SULF2: variants seen among roughly 807,000 people sequenced by gnomAD.
The protein encoded by SULF2 is sulfatase 2.
In SULF2, 52 loss-of-function variants were observed where a neutral mutation model predicts 107.7. That is an observed-to-expected ratio of 0.48 (90% CI 0.39 to 0.61). SULF2 has a LOEUF of 0.61. Ranked by LOEUF, SULF2 falls within the 20% of genes least tolerant of loss-of-function variation. The pLI is 0.00. For synonymous variants in SULF2, 460 were observed against 464.3 expected (o/e 0.99, Z 0.12); for missense variants, 993 against 1,177.3 (o/e 0.84, Z 2.29).
Position 47,731,187 on chromosome 20 carries a change from C to CTTT in SULF2, c.415+5513_415+5515dup, listed in dbSNP as rs71183273. Among the ~76,000 whole-genome samples, 346 of 81,140 alleles carry CTTT rather than the reference C, an allele frequency of 4.3e-3. 2 individuals carry two copies. The highest frequency in any genetic ancestry group is 6.2e-3 in the Non-Finnish European group (281 of 45,506). The allele number at this position is 81,140 out of a possible 152,430, so 53.2% of individuals were successfully genotyped here. A position where few individuals can be genotyped will look rare whatever the true frequency, so the allele number is the denominator to read the frequency against. On this transcript the variant is annotated intron_variant, in intron 3 of 20. Transcript: ENST00000688720. ...TGCCTGCTACTCACCTGTATCTTCT[C>CTTT]TTTTTTTTTTTTTTTTTTTTTTTGA...
intron 4 of SULF2, among the ~76,000 whole-genome samples, chr20:47,701,232 C>T (rs566267876): frequency 3.9e-5 from 6 of 152,294 alleles, no homozygotes; most frequent in East Asian, 1.9e-4. Context: ...AAATAATCCA[C>T]GCTGTCAGAA....
At chr20:47,672,713 C>T (rs2087518402) in intron 10 of SULF2, among the ~76,000 whole-genome samples, 1 of 152,150 alleles carries the variant, frequency 6.6e-6, no homozygotes, top group Admixed American at 6.5e-5. Context: ...ATATTACTCT[C>T]CTACTTAAAA....
intron 14 of SULF2, among the ~76,000 whole-genome samples, chr20:47,664,963 C>CA (rs1449134601): frequency 1.3e-5 from 2 of 152,218 alleles, no homozygotes; most frequent in Admixed American, 1.3e-4. Flanking sequence ...TCTGCGCAGC[C>CA]AGCACGGGTC....
Position 47,690,220 on chromosome 20 carries a change from G to C in SULF2, c.643C>G (p.Pro215Ala), listed in dbSNP as rs2088149893. The C allele has an allele frequency of 6.3e-7, 1 of 1,577,816 alleles. No individual in the cohort carries two copies. Among genetic ancestry groups the C allele is most frequent in the African/African-American group, 1.4e-5 (1 of 73,770 alleles). Residue 215 changes from proline to alanine, a missense_variant, in exon 5 of 21, where the codon CCA (proline) becomes GCA (alanine). By Grantham distance (27) the Pro-to-Ala change is conservative. Coordinates refer to ENST00000688720, the MANE Select transcript of SULF2 (RefSeq NM_001387048.1). ...GCATGGCTGATGACCATGAGGACTG[G>C]CCTGTGCGGGTACATCTTCTTGGAC... ...RTSKKMYPHR[P>A]VLMVISHAAP... is the part of the protein sequence containing the mutation.
chr20:47,736,888 T>C lies in SULF2; in HGVS notation c.230A>G (p.His77Arg). ...TRRIMEQGGA[H>R]FINAFVTTPM... ...TGTGGTCACGAAGGCGTTGATGAAG[T>C]GCGCCCCGCCCTGCTCCATGATGCG... Residue 77 changes from histidine (H) to arginine (R), a missense_variant, in exon 3 of 21, where the codon CAC becomes CGC. Around this residue, in one of 3 missense-constraint regions of SULF2, gnomAD observed 388 missense variants for 449.2 expected, o/e 0.86. Coordinates refer to ENST00000688720, the MANE Select transcript of SULF2 (RefSeq NM_001387048.1). The C allele has an allele frequency of 6.2e-7, 1 of 1,614,216 alleles. No homozygotes were observed. Among genetic ancestry groups the C allele is most frequent in the East Asian group, 2.2e-5 (1 of 44,886 alleles).
chr20:47,779,283 G>T (rs2090779497), intron 1 of SULF2, among the ~76,000 whole-genome samples: 1 of 152,184 alleles, frequency 6.6e-6, no homozygotes, highest in Non-Finnish European at 1.5e-5. Context: ...AACCTATACT[G>T]TCTCCGGATA....
intron 1 of SULF2, 65 bp from the exon 2 acceptor site, chr20:47,757,528 AATG>A (rs1487926984): frequency 2.5e-6 from 2 of 787,748 alleles, no homozygotes; most frequent in Non-Finnish European, 3.9e-6. Context: ...ATTCTTGCAT[AATG>A]ATTTGTATGG....
rs148110692 is a variant in SULF2 at position 47,732,809 on chromosome 20, C to T, written c.415+3894G>A. On this transcript the variant is annotated intron_variant, in intron 3 of 20. Coordinates refer to ENST00000688720, the MANE Select transcript of SULF2 (RefSeq NM_001387048.1). Reference sequence around the variant, plus strand: ...AGTGAGCTGAGATTACGCCACTGCACTCCAGCGTGGGCAACAGAGTGAGAC... The same window carrying T: ...AGTGAGCTGAGATTACGCCACTGCATTCCAGCGTGGGCAACAGAGTGAGAC... Among the ~76,000 whole-genome samples the T allele has an allele frequency of 4.2e-3, 644 of 152,252 alleles. 3 individuals carry two copies. The highest frequency in any genetic ancestry group is 0.015 in the African/African-American group (609 of 41,528).
Position 47,664,209 on chromosome 20 carries a change from C to T in SULF2, c.1998-20G>A, listed in dbSNP as rs746785497. ...TGGTAGCTGTAACAGACCCCCCCAG[C>T]CCCAGGCTTCAGGAGTGGCTCAGAG... On this transcript the variant is annotated intron_variant, in intron 14 of 20. Transcript: ENST00000688720. 1 of 1,607,088 alleles carries T rather than the reference C, an allele frequency of 6.2e-7. No homozygotes were observed. The highest frequency in any genetic ancestry group is 1.1e-5 in the South Asian group (1 of 89,764).
intron 5 of SULF2, chr20:47,684,994 ATT>A (rs1261039720): frequency 3.9e-4 from 62 of 159,296 alleles, no homozygotes; most frequent in Non-Finnish European, 7.1e-4. Flanking sequence ...CCCAACTCAA[ATT>A]CCATAGCATT....
Position 47,678,513 on chromosome 20 carries a change from C to CATGCTTCTCTCCCACGGGGACT in SULF2, c.1193+162_1193+163insAGTCCCCGTGGGAGAGAAGCAT. 3 of 901,776 alleles carry CATGCTTCTCTCCCACGGGGACT rather than the reference C, an allele frequency of 3.3e-6. No individual in the cohort carries two copies. Among genetic ancestry groups the CATGCTTCTCTCCCACGGGGACT allele is most frequent in the Admixed American group, 2.2e-5 (1 of 45,446 alleles). The allele number at this position is 901,776 out of a possible 1,614,324, so 55.9% of individuals were successfully genotyped here. ...GAAGACAGAATCTCGGAGAGGGGAC[C>CATGCTTCTCTCCCACGGGGACT]ATGCTTCTCTCCCACAGCAGGTAAG... On this transcript the variant is annotated intron_variant, in intron 8 of 20. Coordinates refer to ENST00000688720, the MANE Select transcript of SULF2 (RefSeq NM_001387048.1). This position sits in a 1 kb window ranked among gnomAD's most constrained non-coding sequence, Gnocchi z 4.5.
intron 3 of SULF2, among the ~76,000 whole-genome samples, chr20:47,735,939 T>C (rs2089719315): frequency 6.6e-6 from 1 of 152,208 alleles, no homozygotes; most frequent in African/African-American, 2.4e-5. Flanking sequence ...GGTTGCAACA[T>C]CTGAGCCACA....
upstream of SULF2, chr20:47,785,485 T>TC: frequency 1.3e-5 from 2 of 153,514 alleles, no homozygotes; most frequent in Non-Finnish European, 2.7e-5. Flanking sequence ...CGCTGCTGCA[T>TC]CCCCCGGCGA....
chr20:47,681,661 G>C (rs75954043), intron 7 of SULF2, among the ~76,000 whole-genome samples: 5 of 152,140 alleles, frequency 3.3e-5, no homozygotes, highest in African/African-American at 1.2e-4. Context: ...GAGCATCCAC[G>C]TCACAGGGCA....
chr20:47,761,914 C>A (rs1292268097), intron 1 of SULF2, among the ~76,000 whole-genome samples: 1 of 152,146 alleles, frequency 6.6e-6, no homozygotes, highest in East Asian at 1.9e-4. Context: ...GGGGGTGGTT[C>A]CCCCATACTG....
chr20:47,758,281 T>C (rs1335221925), intron 1 of SULF2, among the ~76,000 whole-genome samples: 1 of 150,468 alleles, frequency 6.6e-6, no homozygotes, highest in Admixed American at 6.7e-5. Context: ...GCGATTCTCC[T>C]GCCTCAGCCT....
At chr20:47,742,767 G>A (rs1179358429) in intron 2 of SULF2, among the ~76,000 whole-genome samples, 10 of 152,014 alleles carry the variant, frequency 6.6e-5, no homozygotes, top group Non-Finnish European at 1.0e-4. Context: ...TAAGTCCATC[G>A]TTGATAAAAT....
chr20:47,680,010 A>T lies in SULF2; in HGVS notation c.1065-1206T>A, dbSNP rs1349602832. On this transcript the variant is annotated intron_variant, in intron 7 of 20. Transcript: ENST00000688720. The surrounding 1 kb of genome is among the most constrained non-coding windows in gnomAD (Gnocchi z 4.2). ...TGCAGGAAGGCTGGCTCAGGTGGTC[A>T]CTTCTGTATCTCCAGGACTTATACC... Among the ~76,000 whole-genome samples the T allele has an allele frequency of 6.6e-6, 1 of 152,218 alleles. No homozygotes were observed. Among genetic ancestry groups the T allele is most frequent in the Non-Finnish European group, 1.5e-5 (1 of 68,034 alleles).
intron 4 of SULF2, among the ~76,000 whole-genome samples, chr20:47,698,420 G>A (rs1220006430): frequency 6.6e-6 from 1 of 152,182 alleles, no homozygotes; most frequent in Non-Finnish European, 1.5e-5. Flanking sequence ...GATGCACTGA[G>A]ACTCTCTGGG....
Sources: gnomAD v4.1 joint callset for allele counts (sites outside exome capture counted in the v4.1 genomes callset) on GRCh38, gnomAD v4.1.1 for gene constraint, gnomAD v4.1.1 regional missense constraint, Gnocchi (gnomAD v3.1) non-coding constraint, MANE v1.5 for transcripts, NCBI Gene and HGNC (gene_info 2026-07-23, HGNC 2026-07-21) for gene names.